The following TNFRSF10A variants were observed in gnomAD, a reference collection of about 807,000 sequenced individuals.
TNFRSF10A encodes the protein tumor necrosis factor receptor superfamily member 10A.
A neutral mutation model predicts 42.8 loss-of-function variants in TNFRSF10A; 44 were observed. That is an observed-to-expected ratio of 1.03 (90% confidence interval 0.81 to 1.32). The LOEUF is 1.32. TNFRSF10A is among the 40% of genes most tolerant of loss of function. The pLI is 0.00. For synonymous variants in TNFRSF10A, 259 were observed against 234.2 expected, an observed-to-expected ratio of 1.11 and a Z score of -0.97; for missense variants, 680 against 602.0, an observed-to-expected ratio of 1.13 and a Z score of -1.36.
intron 1 of TNFRSF10A, among the ~76,000 whole-genome samples, chr8:23,217,460 C>T (rs1399922283): frequency 1.3e-5 from 2 of 152,074 alleles, no homozygotes; most frequent in African/African-American, 4.8e-5. Flanking sequence ...TCGTGATCTG[C>T]CCACCTCAGC....
Position 23,224,980 on chromosome 8 carries a change from C to G in TNFRSF10A, c.82G>C (p.Glu28Gln), listed in dbSNP as rs780200482. Residue 28 changes from glutamate to glutamine, a missense_variant, in exon 1 of 10, where the codon GAG becomes CAG. Coordinates refer to ENST00000221132, the MANE Select transcript of TNFRSF10A (RefSeq NM_003844.4). ...TTGCTGGGTGTGGCCGCGGCTGCCT[C>G]TGTCCCACTCGCTGCGCTCCCGGGA... ...PNPGSAASGTEAAAATPSKVW... is the reference protein window; with the variant it reads ...PNPGSAASGTQAAAATPSKVW... 6 of 1,596,270 alleles carry G rather than the reference C, an allele frequency of 3.8e-6. No individual in the cohort carries two copies. The highest frequency in any genetic ancestry group is 1.1e-5 in the South Asian group (1 of 89,066).
intron 4 of TNFRSF10A, among the ~76,000 whole-genome samples, chr8:23,201,248 G>A (rs561390830): frequency 1.3e-5 from 2 of 152,282 alleles, no homozygotes; most frequent in East Asian, 3.9e-4. Context: ...GAAAAAGACA[G>A]GACTTATTGA....
intron 9 of TNFRSF10A, among the ~76,000 whole-genome samples, chr8:23,192,458 C>G (rs1345650051): frequency 6.6e-6 from 1 of 152,186 alleles, no homozygotes; most frequent in Non-Finnish European, 1.5e-5. Context: ...GGCAGGGGAC[C>G]TCTGCCCTCC....
At chr8:23,217,815 C>T (rs1340574645) in intron 1 of TNFRSF10A, among the ~76,000 whole-genome samples, 3 of 152,218 alleles carry the variant, frequency 2.0e-5, no homozygotes, top group Non-Finnish European at 4.4e-5. Context: ...ACGACCCTCC[C>T]TTTCCTTAGG....
chr8:23,201,410 A>T (rs932267268), intron 4 of TNFRSF10A, among the ~76,000 whole-genome samples: 3 of 152,212 alleles, frequency 2.0e-5, no homozygotes, highest in Non-Finnish European at 4.4e-5. Context: ...ATTACATTTT[A>T]TGACTCAATT....
intron 2 of TNFRSF10A, 34 bp downstream of exon 2, chr8:23,212,082 G>A (rs746876468): frequency 6.4e-7 from 1 of 1,557,756 alleles, no homozygotes; most frequent in Non-Finnish European, 8.9e-7. Flanking sequence ...GAAAAGAGAG[G>A]TGTAAAGGAT....
At chr8:23,213,687 G>A (rs544211620) in intron 1 of TNFRSF10A, among the ~76,000 whole-genome samples, 41 of 151,892 alleles carry the variant, frequency 2.7e-4, no homozygotes, top group Non-Finnish European at 1.5e-4. Flanking sequence ...CTCGTGATCC[G>A]TCCACCTCGG....
At chr8:23,218,645 G>A (rs1187645094) in intron 1 of TNFRSF10A, among the ~76,000 whole-genome samples, 2 of 147,360 alleles carry the variant, frequency 1.4e-5, no homozygotes, top group South Asian at 2.1e-4. Flanking sequence ...GACTTCTCAG[G>A]TACCCCCAGC....
chr8:23,197,049 C>T (rs1381500354), intron 9 of TNFRSF10A, 83 bp downstream of exon 9: 2 of 1,575,068 alleles, frequency 1.3e-6, no homozygotes, highest in Non-Finnish European at 1.7e-6. Flanking sequence ...TCTGGAAGAG[C>T]ACTCTCAGCA....
In TNFRSF10A at chr8:23,224,834, G is replaced by A. The variant is rs540774272; in HGVS notation, c.228C>T (p.Pro76=). Residue 76 remains proline (P), a synonymous_variant, in exon 1 of 10, where the codon CCC becomes CCT. Transcript: ENST00000221132. The part of the protein sequence containing the change: ...ARARAGRAPG[P]RPAREASPRL... ...GAGGGCTGGCTTCCCGCGCCGGCCT[G>A]GGTCCTGGGGCGCGCCCTGCCCGGG... 801 of 1,565,758 alleles carry A rather than the reference G, an allele frequency of 5.1e-4. 1 individual carries two copies. Among genetic ancestry groups the A allele is most frequent in the Non-Finnish European group, 6.5e-4 (750 of 1,155,456 alleles).
At position 23,191,504 on chromosome 8, in the gene TNFRSF10A, T is replaced by G; in HGVS notation, c.*190A>C. ...TTGTAAAGACGGCATTTCACGATGT[T>G]GGTCAGGCTGGTCTTGAACTTCTGA... On this transcript the variant is annotated 3_prime_UTR_variant, in exon 10 of 10. Coordinates refer to ENST00000221132, the MANE Select transcript of TNFRSF10A (RefSeq NM_003844.4). 2.8e-6 allele frequency: 2 copies of G among 717,596 alleles called. No individual in the cohort carries two copies. Among genetic ancestry groups the G allele is most frequent in the South Asian group, 4.3e-5 (2 of 46,190 alleles). 44.5% of individuals were successfully genotyped at this position (717,596 alleles called of 1,614,324 possible). A position where few individuals can be genotyped will look rare whatever the true frequency, so the allele number is the denominator to read the frequency against.
At chr8:23,219,772 C>T (rs1801232604) in intron 1 of TNFRSF10A, among the ~76,000 whole-genome samples, 1 of 152,226 alleles carries the variant, frequency 6.6e-6, no homozygotes, top group African/African-American at 2.4e-5. Flanking sequence ...AGTGCTGAGA[C>T]CAACAGCAGA....
At chr8:23,217,070 T>C (rs1353564458) in intron 1 of TNFRSF10A, among the ~76,000 whole-genome samples, 1 of 152,234 alleles carries the variant, frequency 6.6e-6, no homozygotes, top group African/African-American at 2.4e-5. Context: ...TCTGTTATTT[T>C]ACTGTTTTCA....
At chr8:23,201,179 C>T (rs1466856748) in intron 4 of TNFRSF10A, among the ~76,000 whole-genome samples, 5 of 152,198 alleles carry the variant, frequency 3.3e-5, no homozygotes, top group Non-Finnish European at 7.3e-5. Context: ...CTCTCAATCA[C>T]AGCAAACACT....
At chr8:23,201,064 A>G (rs959976096) in intron 4 of TNFRSF10A, among the ~76,000 whole-genome samples, 1 of 152,056 alleles carries the variant, frequency 6.6e-6, no homozygotes. Context: ...AGGAGGAATC[A>G]CACTCCAGGG....
At chr8:23,223,041 A>G (rs1209195011) in intron 1 of TNFRSF10A, among the ~76,000 whole-genome samples, 1 of 152,140 alleles carries the variant, frequency 6.6e-6, no homozygotes, top group African/African-American at 2.4e-5. Context: ...CTCTTTTAAA[A>G]TTATCCAGCG....
chr8:23,198,019 C>CT (rs202086908), intron 8 of TNFRSF10A, among the ~76,000 whole-genome samples: 12 of 147,888 alleles, frequency 8.1e-5, no homozygotes, highest in East Asian at 3.9e-4. Context: ...TGTTTGCCTT[C>CT]TTTTTTTTTT....
At chr8:23,223,509 G>A (rs1398961206) in intron 1 of TNFRSF10A, among the ~76,000 whole-genome samples, 1 of 152,182 alleles carries the variant, frequency 6.6e-6, no homozygotes, top group Non-Finnish European at 1.5e-5. Flanking sequence ...TTTAATAAGC[G>A]TATTAAAAAT....
At chr8:23,197,465 G>A (rs1054614011) in intron 8 of TNFRSF10A, among the ~76,000 whole-genome samples, 1 of 152,104 alleles carries the variant, frequency 6.6e-6, no homozygotes, top group Admixed American at 6.5e-5. Flanking sequence ...AACTGTGCAC[G>A]TCAGGGATCT....
Sources: allele counts gnomAD v4.1 joint callset (sites outside exome capture counted in the v4.1 genomes callset), GRCh38; gene constraint gnomAD v4.1.1; transcripts MANE v1.5; gene names NCBI Gene and HGNC (gene_info 2026-07-23, HGNC 2026-07-21).